The following RYR2 variants were observed in gnomAD, a reference collection of about 807,000 sequenced individuals.
RYR2 encodes ryanodine receptor 2, also known as cardiac muscle ryanodine receptor-calcium release channel.
A neutral mutation model predicts 601.1 loss-of-function variants in RYR2; 227 were observed. That is an observed-to-expected ratio of 0.38 (90% CI 0.34 to 0.42). The LOEUF (loss-of-function observed/expected upper bound fraction) is 0.42. Among genes scored for constraint, RYR2 ranks in the 10% least tolerant of loss-of-function variants. The pLI, the probability that RYR2 is intolerant of heterozygous loss-of-function variation, is 1.00. For synonymous variants in RYR2, 2,223 were observed against 2,175.1 expected (o/e 1.02, Z -0.61); for missense variants, 4,646 against 6,156.5 (o/e 0.75, Z 8.21).
At chr1:237,251,109 C>T (rs1055748293) in intron 1 of RYR2, among the ~76,000 whole-genome samples, 2 of 151,458 alleles carry the variant, frequency 1.3e-5, no homozygotes, top group Non-Finnish European at 2.9e-5. Context: ...TCTACAAAGA[C>T]AGGAGTTTTG....
intron 1 of RYR2, among the ~76,000 whole-genome samples, chr1:237,139,594 G>T (rs576612432): frequency 6.6e-6 from 1 of 152,250 alleles, no homozygotes; most frequent in Non-Finnish European, 1.5e-5. Flanking sequence ...AGAGAGGAAA[G>T]ATCCTGTTCC....
chr1:237,537,056 A>G (rs1309823023), intron 25 of RYR2, among the ~76,000 whole-genome samples: 3 of 152,254 alleles, frequency 2.0e-5, no homozygotes, highest in Non-Finnish European at 1.5e-5. Flanking sequence ...AATGTAAATT[A>G]AAATCACAAT....
chr1:237,307,877 T>C (rs1221242792), intron 2 of RYR2, among the ~76,000 whole-genome samples: 4 of 152,188 alleles, frequency 2.6e-5, no homozygotes, highest in Admixed American at 1.3e-4. Context: ...GCAATAAAGT[T>C]TGCATAATAT....
chr1:237,620,755 C>G (rs574364828), intron 38 of RYR2, among the ~76,000 whole-genome samples: 160 of 151,680 alleles, frequency 1.1e-3, no homozygotes, highest in African/African-American at 3.8e-3. Context: ...ATGAATTAAA[C>G]AACAAAGCAA....
At chr1:237,630,806 G>A (rs745778583) in intron 41 of RYR2, among the ~76,000 whole-genome samples, 1 of 152,032 alleles carries the variant, frequency 6.6e-6, no homozygotes, top group Non-Finnish European at 1.5e-5. Flanking sequence ...GACATTTTAG[G>A]TATCACCTAA....
At chr1:237,059,569 T>A (rs1662598302) in intron 1 of RYR2, among the ~76,000 whole-genome samples, 1 of 152,202 alleles carries the variant, frequency 6.6e-6, no homozygotes, top group South Asian at 2.1e-4. Context: ...GTGTTTTTGA[T>A]AAGATTCTTC....
intron 17 of RYR2, among the ~76,000 whole-genome samples, chr1:237,481,202 G>A (rs908531238): frequency 6.0e-5 from 9 of 151,066 alleles, no homozygotes; most frequent in South Asian, 2.1e-4. Flanking sequence ...TTAGAGTAAT[G>A]TATTTATTTC....
intron 4 of RYR2, among the ~76,000 whole-genome samples, chr1:237,359,288 A>G (rs1319143531): frequency 6.6e-6 from 1 of 152,342 alleles, no homozygotes; most frequent in East Asian, 1.9e-4. Context: ...AAAGTAAAAA[A>G]TACAATGATT....
intron 76 of RYR2, among the ~76,000 whole-genome samples, chr1:237,728,405 C>T (rs1481656817): frequency 1.3e-5 from 2 of 152,014 alleles, no homozygotes; most frequent in African/African-American, 2.4e-5. Context: ...ACCAGAAATA[C>T]CATTTAACCC....
In RYR2 at chr1:237,628,003, A is replaced by T; in HGVS notation, c.6363A>T (p.Ala2121=). Residue 2121 remains alanine (A), a synonymous_variant, in exon 41 of 105, where the codon GCA becomes GCT. Coordinates refer to ENST00000366574, the MANE Select transcript of RYR2 (RefSeq NM_001035.3). ...TGGAGGACACCATCAACCTGCTGGCATCCCTTGGTCAGATTCGGTCCCTGC... is the reference window on the plus strand; with the variant it reads ...TGGAGGACACCATCAACCTGCTGGCTTCCCTTGGTCAGATTCGGTCCCTGC... The part of the protein sequence containing the change: ...VSVEDTINLL[A]SLGQIRSLLS... The T allele has an allele frequency of 6.2e-7, 1 of 1,613,942 alleles. No homozygotes were observed. Among genetic ancestry groups the T allele is most frequent in the South Asian group, 1.1e-5 (1 of 91,090 alleles).
intron 56 of RYR2, 119 bp from the exon 57 acceptor site, chr1:237,666,393 C>A (rs1684329803): frequency 1.3e-6 from 1 of 790,202 alleles, no homozygotes; most frequent in Non-Finnish European, 2.1e-6. Context: ...TAGAAACTTG[C>A]CAGTTTTATC....
chr1:237,331,233 G>A (rs1347711700), intron 3 of RYR2, among the ~76,000 whole-genome samples: 4 of 152,072 alleles, frequency 2.6e-5, no homozygotes, highest in Admixed American at 1.3e-4. Flanking sequence ...GTTTAAAACC[G>A]ACCTTTCTTT....
At chr1:237,205,320 C>A (rs1157190972) in intron 1 of RYR2, among the ~76,000 whole-genome samples, 1 of 152,114 alleles carries the variant, frequency 6.6e-6, no homozygotes, top group Non-Finnish European at 1.5e-5. Flanking sequence ...AGCTGTAGAG[C>A]CCTTGGGAGC....
At chr1:237,158,052 C>T (rs1675593311) in intron 1 of RYR2, among the ~76,000 whole-genome samples, 1 of 152,220 alleles carries the variant, frequency 6.6e-6, no homozygotes, top group East Asian at 1.9e-4. Context: ...TGTAAAAACC[C>T]TCAGAATTAA....
In RYR2 at chr1:237,736,043, TGTA is replaced by T. The variant is rs1334749541; in HGVS notation, c.11091+2290_11091+2292del. On this transcript the variant is annotated intron_variant, in intron 79 of 104. Coordinates refer to ENST00000366574, the MANE Select transcript of RYR2 (RefSeq NM_001035.3). ...AAAATTTTACTCTTCCTATGAGCAA[TGTA>T]GTCTGAACTTTTCCATTCTATTTAA... Among the ~76,000 whole-genome samples the T allele has an allele frequency of 2.0e-5, 3 of 152,216 alleles. No homozygotes were observed. In the East Asian group the frequency reaches 5.8e-4, roughly 29 times the overall value.
intron 27 of RYR2, among the ~76,000 whole-genome samples, chr1:237,562,994 T>C (rs960426279): frequency 6.6e-6 from 1 of 152,216 alleles, no homozygotes; most frequent in African/African-American, 2.4e-5. Context: ...CTTGGATCTT[T>C]TTAAAAAACT....
intron 71 of RYR2, 52 bp from the exon 72 acceptor site, chr1:237,717,146 C>T: frequency 1.3e-6 from 2 of 1,549,156 alleles, no homozygotes; most frequent in Admixed American, 1.8e-5. Flanking sequence ...CATAGTGGTT[C>T]TACATGTGAG....
rs1018569152 is a variant in RYR2 at position 237,832,805 on chromosome 1, T to TC, written c.*164dup. On this transcript the variant is annotated 3_prime_UTR_variant, in exon 105 of 105. Coordinates refer to ENST00000366574, the MANE Select transcript of RYR2 (RefSeq NM_001035.3). Reference sequence around the variant, plus strand: ...GCTCTGTTTCGGAAGAGCTGTTTCCTCCCCCCACCTTTTGTATTTACTTTG... The same window carrying TC: ...GCTCTGTTTCGGAAGAGCTGTTTCCTCCCCCCCACCTTTTGTATTTACTTTG... The TC allele has an allele frequency of 7.7e-6, 4 of 519,114 alleles. No homozygotes were observed. The highest frequency in any genetic ancestry group is 3.0e-5 in the South Asian group (1 of 33,206). 32.2% of individuals were successfully genotyped at this position (519,114 alleles called of 1,614,324 possible). A position where few individuals can be genotyped will look rare whatever the true frequency, so the allele number is the denominator to read the frequency against.
In RYR2 at chr1:237,482,157, C is replaced by T. The variant is rs139389635; in HGVS notation, c.1709-9649C>T. Among the ~76,000 whole-genome samples the T allele has an allele frequency of 3.6e-3, 555 of 152,256 alleles. 3 individuals carry two copies. The highest frequency in any genetic ancestry group is 0.012 in the African/African-American group (502 of 41,554). On this transcript the variant is annotated intron_variant, in intron 17 of 104. Coordinates refer to ENST00000366574, the MANE Select transcript of RYR2 (RefSeq NM_001035.3). ...TCATGGAGAATGGGTTATCCATCCCCTTTCAAGCATTTCTTCTTTGAGTTA... is the reference window on the plus strand; with the variant it reads ...TCATGGAGAATGGGTTATCCATCCCTTTTCAAGCATTTCTTCTTTGAGTTA...
Sources: allele counts gnomAD v4.1 joint callset (sites outside exome capture counted in the v4.1 genomes callset), GRCh38; gene constraint gnomAD v4.1.1; transcripts MANE v1.5; gene names NCBI Gene and HGNC (gene_info 2026-07-23, HGNC 2026-07-21).